PDE10A: variants seen among roughly 807,000 people sequenced by gnomAD.
PDE10A encodes cAMP and cAMP-inhibited cGMP 3',5'-cyclic phosphodiesterase 10A.
Under a neutral mutation model 97.7 loss-of-function variants are expected in PDE10A, and 39 were observed. That is an observed-to-expected ratio of 0.40 (90% confidence interval 0.31 to 0.52). PDE10A has a LOEUF of 0.52. Ranked by LOEUF, PDE10A falls within the 20% of genes least tolerant of loss-of-function variation. The pLI is 0.56. For missense variants in PDE10A, 731 were observed against 1,047.8 expected, an observed-to-expected ratio of 0.70 and a Z score of 4.17; for synonymous variants, 371 against 376.8, an observed-to-expected ratio of 0.98 and a Z score of 0.18.
rs111617269 is a variant in PDE10A, at chr6:165,330,459, C to T, written c.*2566G>A. 2.8e-3 allele frequency: 430 copies of T among 152,220 alleles called. 3 individuals carry two copies. The highest frequency in any genetic ancestry group is 9.8e-3 in the African/African-American group (407 of 41,558). The allele number at this position is 152,220 out of a possible 1,614,324, so 9.4% of individuals were successfully genotyped here. A position where few individuals can be genotyped will look rare whatever the true frequency, so the allele number is the denominator to read the frequency against. The stretch of plus-strand genomic sequence containing the variant: ...ACTAAATATCACTGCAACCCGGGTC[C>T]TTTTATTTTAGGTAAATCTGTGATT... On this transcript the variant is annotated 3_prime_UTR_variant, in exon 22 of 22. Transcript: ENST00000539869.
intron 1 of PDE10A, among the ~76,000 whole-genome samples, chr6:165,909,342 G>A (rs534027866): frequency 6.6e-6 from 1 of 152,324 alleles, no homozygotes; most frequent in South Asian, 2.1e-4. Flanking sequence ...CTGGCAATGG[G>A]AGCCACTTAG....
intron 1 of PDE10A, among the ~76,000 whole-genome samples, chr6:165,626,597 A>C (rs1318943678): frequency 6.6e-6 from 1 of 152,240 alleles, no homozygotes; most frequent in Non-Finnish European, 1.5e-5. Flanking sequence ...TTCACAGCTT[A>C]CCTAAAATAC....
intron 1 of PDE10A, among the ~76,000 whole-genome samples, chr6:165,942,019 C>A (rs1783539385): frequency 6.6e-6 from 1 of 152,164 alleles, no homozygotes; most frequent in South Asian, 2.1e-4. Flanking sequence ...ACATAGCCAT[C>A]CTCTCATGAT....
chr6:165,845,070 AACT>A (rs1345500084), intron 1 of PDE10A, among the ~76,000 whole-genome samples: 1 of 152,232 alleles, frequency 6.6e-6, no homozygotes, highest in Non-Finnish European at 1.5e-5. Flanking sequence ...TGAACATAAA[AACT>A]TCTGCTGATT....
At chr6:165,501,035 C>T (rs889008651) in intron 2 of PDE10A, among the ~76,000 whole-genome samples, 1 of 152,136 alleles carries the variant, frequency 6.6e-6, no homozygotes, top group African/African-American at 2.4e-5. Flanking sequence ...CCTGCCACAT[C>T]CCCCTCTCCG....
intron 1 of PDE10A, among the ~76,000 whole-genome samples, chr6:165,645,091 G>C (rs1789324061): frequency 6.6e-6 from 1 of 152,174 alleles, no homozygotes; most frequent in African/African-American, 2.4e-5. Context: ...GCCTAGTGAG[G>C]TCAGTCTCTC....
chr6:165,589,323 C>T (rs539103094), intron 1 of PDE10A, among the ~76,000 whole-genome samples: 1 of 152,282 alleles, frequency 6.6e-6, no homozygotes, highest in African/African-American at 2.4e-5. Context: ...TGGATGGCCT[C>T]CACATGCTTG....
At chr6:165,847,645 C>A (rs1433518261) in intron 1 of PDE10A, among the ~76,000 whole-genome samples, 3 of 152,220 alleles carry the variant, frequency 2.0e-5, no homozygotes, top group African/African-American at 7.2e-5. Flanking sequence ...CTGCCTCTGA[C>A]GTCATTTCTG....
At chr6:165,586,914 T>C (rs1785947396) in intron 1 of PDE10A, among the ~76,000 whole-genome samples, 1 of 151,998 alleles carries the variant, frequency 6.6e-6, no homozygotes. Flanking sequence ...AAAGACAATC[T>C]TGGGGTACTT....
chr6:165,458,086 T>C (rs1265220484), intron 3 of PDE10A, among the ~76,000 whole-genome samples: 1 of 152,206 alleles, frequency 6.6e-6, no homozygotes, highest in African/African-American at 2.4e-5. Context: ...AATATAAACT[T>C]CAATATTGGA....
chr6:165,736,404 A>G (rs1413751351), intron 1 of PDE10A, among the ~76,000 whole-genome samples: 1 of 152,158 alleles, frequency 6.6e-6, no homozygotes, highest in South Asian at 2.1e-4. Context: ...ACAGTTTCAC[A>G]TGATGTCTCC....
chr6:165,964,988 G>A (rs903247000), intron 1 of PDE10A, among the ~76,000 whole-genome samples: 5 of 152,226 alleles, frequency 3.3e-5, no homozygotes, highest in African/African-American at 1.2e-4. Context: ...GGTGGGAGCG[G>A]CAAATGGCCA....
chr6:165,604,847 T>C (rs1339812617), intron 1 of PDE10A, among the ~76,000 whole-genome samples: 5 of 152,250 alleles, frequency 3.3e-5, no homozygotes, highest in African/African-American at 1.2e-4. Flanking sequence ...ATGTGGGTAG[T>C]GGAATTTCTT....
rs532851356 is a variant in PDE10A, at chr6:165,837,192, A to C, written c.-615+150337T>G. Reference sequence around the variant, plus strand: ...TGTGCACATGTACCCTAAAACTTAAAGTATAATAAAAAAAAAAGAGTAATA... The same window carrying C: ...TGTGCACATGTACCCTAAAACTTAACGTATAATAAAAAAAAAAGAGTAATA... On this transcript the variant is annotated intron_variant, in intron 1 of 19. Transcript: ENST00000366882. Among the ~76,000 whole-genome samples, 10 of 148,666 alleles carry C rather than the reference A, an allele frequency of 6.7e-5. No individual in the cohort carries two copies. In the South Asian group the frequency reaches 1.9e-3, roughly 29 times the overall value.
At position 165,661,492 on chromosome 6, in the gene PDE10A, G is replaced by C. The variant is rs1368902846; in HGVS notation, c.865+455C>G. On this transcript the variant is annotated intron_variant, in intron 1 of 21. Transcript: ENST00000539869. The surrounding 1 kb of genome is among the most constrained non-coding windows in gnomAD (Gnocchi z 4.8). The stretch of plus-strand genomic sequence containing the variant: ...TGAGGCCCTGGCCTCCCTCACCCCG[G>C]CTACAGGGACCCGGTGGGCTGGACC... 1.3e-5 allele frequency: 2 copies of C among 154,582 alleles called. No homozygotes were observed. The highest frequency in any genetic ancestry group is 4.8e-5 in the African/African-American group (2 of 41,676). The allele number at this position is 154,582 out of a possible 1,614,324, so 9.6% of individuals were successfully genotyped here. A position where few individuals can be genotyped will look rare whatever the true frequency, so the allele number is the denominator to read the frequency against.
At chr6:165,728,720 G>T (rs1792356137) in intron 1 of PDE10A, among the ~76,000 whole-genome samples, 1 of 152,096 alleles carries the variant, frequency 6.6e-6, no homozygotes, top group African/African-American at 2.4e-5. Flanking sequence ...CACCAGGAAA[G>T]GTGGCCTCAG....
chr6:165,890,060 CCCTCCCTCACTCCTCACTCACTCCTCACT>C, intron 1 of PDE10A, among the ~76,000 whole-genome samples: 1 of 144,038 alleles, frequency 6.9e-6, no homozygotes, highest in African/African-American at 2.6e-5. Context: ...CTTCACTCCT[CCCTCCCTCACTCCTCACTCACTCCTCACT>C]CCTCCCTCAC....
At chr6:165,612,608 G>A (rs1787548476) in intron 1 of PDE10A, among the ~76,000 whole-genome samples, 1 of 152,148 alleles carries the variant, frequency 6.6e-6, no homozygotes, top group Admixed American at 6.5e-5. Flanking sequence ...GACCTCAGGT[G>A]ATCTACTTGC....
At chr6:165,440,925 A>C (rs1169397827) in intron 5 of PDE10A, among the ~76,000 whole-genome samples, 2 of 152,192 alleles carry the variant, frequency 1.3e-5, no homozygotes, top group African/African-American at 4.8e-5. Context: ...TAAAGATACT[A>C]TCATCAGGTA....
Sources: gnomAD v4.1 joint callset for allele counts (sites outside exome capture counted in the v4.1 genomes callset) on GRCh38, gnomAD v4.1.1 for gene constraint, Gnocchi (gnomAD v3.1) non-coding constraint, MANE v1.5 for transcripts, NCBI Gene and HGNC (gene_info 2026-07-23, HGNC 2026-07-21) for gene names.